NFIB: variants seen among roughly 807,000 people sequenced by gnomAD.
The protein encoded by NFIB is nuclear factor 1 B-type.
Under a neutral mutation model 61.5 loss-of-function variants are expected in NFIB, and 11 were observed. The observed-to-expected ratio is 0.18, with a 90% CI of 0.11 to 0.30. The LOEUF is 0.30. Ranked by LOEUF, NFIB falls within the 10% of genes least tolerant of loss-of-function variation. NFIB has a pLI of 1.00. For missense variants in NFIB, 471 were observed against 608.9 expected, an observed-to-expected ratio of 0.77 and a Z score of 2.38; for synonymous variants, 260 against 216.5, an observed-to-expected ratio of 1.20 and a Z score of -1.76.
chr9:14,341,410 G>T (rs1222490152), intron 1 of NFIB, among the ~76,000 whole-genome samples: 1 of 152,166 alleles, frequency 6.6e-6, no homozygotes, highest in African/African-American at 2.4e-5. Flanking sequence ...TGCCCAAGGA[G>T]GGAGAAAGAT....
At chr9:14,237,676 G>A (rs2053881810) in intron 2 of NFIB, among the ~76,000 whole-genome samples, 2 of 151,860 alleles carry the variant, frequency 1.3e-5, no homozygotes, top group Non-Finnish European at 2.9e-5. Flanking sequence ...TAAGAGGTCA[G>A]CAACATCTCT....
At chr9:14,434,009 G>A in the NFIB span, among the ~76,000 whole-genome samples, 7 of 152,210 alleles carry the variant, frequency 4.6e-5, no homozygotes, top group Admixed American at 1.3e-4. Context: ...ATACGATCAC[G>A]GCAAGCTACT....
intron 1 of NFIB, among the ~76,000 whole-genome samples, chr9:14,366,335 C>T (rs2061299841): frequency 1.3e-5 from 2 of 152,088 alleles, no homozygotes; most frequent in Admixed American, 6.5e-5. Context: ...ATGTCTTCTC[C>T]GGGTGGTTAT....
chr9:14,305,174 T>C (rs2059953876), intron 2 of NFIB, among the ~76,000 whole-genome samples: 1 of 152,190 alleles, frequency 6.6e-6, no homozygotes, highest in Admixed American at 6.5e-5. Flanking sequence ...CAAATCTTTA[T>C]TGTCAGTTCA....
chr9:14,487,612 A>C, the NFIB span, among the ~76,000 whole-genome samples: 2 of 99,352 alleles, frequency 2.0e-5, no homozygotes, highest in African/African-American at 1.9e-4. Context: ...CTGAAAACAG[A>C]AAAATCAAAG....
intron 1 of NFIB, among the ~76,000 whole-genome samples, chr9:14,348,379 C>A (rs898649973): frequency 6.6e-6 from 1 of 151,602 alleles, no homozygotes; most frequent in Admixed American, 6.6e-5. Flanking sequence ...AGTTTACAGC[C>A]TGAAGCAGCT....
intron 2 of NFIB, among the ~76,000 whole-genome samples, chr9:14,184,877 G>A (rs1314091550): frequency 6.6e-6 from 1 of 152,084 alleles, no homozygotes; most frequent in East Asian, 1.9e-4. Flanking sequence ...CAAAAAAGTA[G>A]CCAGGTGCGG....
intron 1 of NFIB, among the ~76,000 whole-genome samples, chr9:14,379,040 G>A (rs142894349): frequency 5.3e-4 from 80 of 152,318 alleles, no homozygotes; most frequent in African/African-American, 1.9e-3. Flanking sequence ...CACAAGCAGA[G>A]TTCACAGGTA....
At chr9:14,301,022 G>C (rs766284084) in intron 2 of NFIB, among the ~76,000 whole-genome samples, 5 of 152,140 alleles carry the variant, frequency 3.3e-5, no homozygotes, top group Non-Finnish European at 7.4e-5. Flanking sequence ...CAAATTTAGG[G>C]AAAAACAAGT....
chr9:14,205,604 C>A (rs1390271977), intron 2 of NFIB, among the ~76,000 whole-genome samples: 1 of 152,048 alleles, frequency 6.6e-6, no homozygotes, highest in East Asian at 1.9e-4. Context: ...ACACATTAGG[C>A]CTGGTGTACT....
intron 1 of NFIB, among the ~76,000 whole-genome samples, chr9:14,375,232 C>T (rs2061404278): frequency 6.6e-6 from 1 of 152,232 alleles, no homozygotes; most frequent in Non-Finnish European, 1.5e-5. Context: ...TCTCTCTGCT[C>T]TTCCAGTCTT....
intron 10 of NFIB, among the ~76,000 whole-genome samples, chr9:14,094,658 T>G (rs1055046728): frequency 6.6e-6 from 1 of 152,084 alleles, no homozygotes; most frequent in African/African-American, 2.4e-5. Flanking sequence ...CAAAGTACTC[T>G]TGTGGGCTCT....
intron 6 of NFIB, among the ~76,000 whole-genome samples, chr9:14,136,037 G>A (rs1036572308): frequency 6.6e-6 from 1 of 152,018 alleles, no homozygotes; most frequent in African/African-American, 2.4e-5. Flanking sequence ...AAAAGGTCTC[G>A]AGGCTACACC....
chr9:14,446,217 G>C, the NFIB span, among the ~76,000 whole-genome samples: 1 of 152,160 alleles, frequency 6.6e-6, no homozygotes, highest in African/African-American at 2.4e-5. Flanking sequence ...GTGTGTCTAA[G>C]TATGGATTTC....
At chr9:14,377,869 T>G (rs1050923121) in intron 1 of NFIB, among the ~76,000 whole-genome samples, 1 of 152,180 alleles carries the variant, frequency 6.6e-6, no homozygotes, top group Non-Finnish European at 1.5e-5. Context: ...AACTTCTGAA[T>G]TTCCCTAAGA....
the NFIB span, among the ~76,000 whole-genome samples, chr9:14,425,330 G>T: frequency 2.6e-5 from 4 of 152,194 alleles, no homozygotes; most frequent in South Asian, 8.3e-4. Context: ...AGAGAAGCTG[G>T]TACACAAGGT....
At chr9:14,455,755 G>T in the NFIB span, among the ~76,000 whole-genome samples, 1 of 152,062 alleles carries the variant, frequency 6.6e-6, no homozygotes, top group East Asian at 1.9e-4. Context: ...GTGTAAACAA[G>T]ATTATCATTC....
intron 1 of NFIB, among the ~76,000 whole-genome samples, chr9:14,347,648 T>A (rs910168495): frequency 6.6e-6 from 1 of 151,910 alleles, no homozygotes; most frequent in Non-Finnish European, 1.5e-5. Context: ...TCCAAGTCTC[T>A]TCGGTCAGGT....
At chr9:14,383,058 G>C (rs1450948364) in intron 1 of NFIB, among the ~76,000 whole-genome samples, 4 of 148,168 alleles carry the variant, frequency 2.7e-5, no homozygotes, top group East Asian at 2.0e-4. Context: ...CTTAAGAGAA[G>C]GATTATTAGG....
Sources: gnomAD v4.1 joint callset for allele counts (sites outside exome capture counted in the v4.1 genomes callset) on GRCh38, gnomAD v4.1.1 for gene constraint, MANE v1.5 for transcripts, NCBI Gene and HGNC (gene_info 2026-07-23, HGNC 2026-07-21) for gene names.